DNAH5: variants seen among roughly 807,000 people sequenced by gnomAD.
The protein encoded by DNAH5 is axonemal beta dynein heavy chain 5.
In DNAH5, 372 loss-of-function variants were observed where a neutral mutation model predicts 518.2. The ratio of observed to expected loss-of-function variants is 0.72; its 90% confidence interval spans 0.66 to 0.78. DNAH5 has a LOEUF of 0.78. Ranked by LOEUF, DNAH5 falls within the 30% of genes least tolerant of loss-of-function variation. The pLI, the probability that DNAH5 is intolerant of heterozygous loss-of-function variation, is 0.00. For synonymous variants in DNAH5, 2,039 were observed against 2,025.9 expected (o/e 1.01, Z -0.17); for missense variants, 5,523 against 5,687.0 (o/e 0.97, Z 0.93).
At chr5:13,791,660 C>T (rs145242427) in intron 50 of DNAH5, among the ~76,000 whole-genome samples, 2,056 of 152,138 alleles carry the variant, frequency 0.014, 40 homozygotes, top group African/African-American at 0.047. Flanking sequence ...AAATCCATAG[C>T]GATTGTTTCC....
At chr5:13,793,817 C>T (rs553417063) in intron 48 of DNAH5, 89 bp from the exon 49 acceptor site, 2 of 1,561,860 alleles carry the variant, frequency 1.3e-6, no homozygotes, top group Admixed American at 1.8e-5. Context: ...AAGAACTTTA[C>T]TGGAATTCAG....
intron 65 of DNAH5, among the ~76,000 whole-genome samples, chr5:13,741,229 A>G (rs1426758999): frequency 6.6e-6 from 1 of 152,218 alleles, no homozygotes; most frequent in African/African-American, 2.4e-5. Flanking sequence ...TGTTTCAGCC[A>G]GTTAATCACC....
Position 13,853,467 on chromosome 5 carries a change from C to T in DNAH5, c.4951-2652G>A, listed in dbSNP as rs200040107. 7.2e-5 allele frequency among the ~76,000 whole-genome samples: 11 copies of T among 152,202 alleles called. 1 individual carries two copies. In the East Asian group the frequency reaches 2.1e-3, roughly 29 times the overall value. ...CAAAAACCAGAATGCCTCTTCTCCT[C>T]CAAAGGATAACAACTCCTCGCCAGC... is the stretch of plus-strand genomic sequence containing the variant. On this transcript the variant is annotated intron_variant, in intron 30 of 78. Coordinates refer to ENST00000265104, the MANE Select transcript of DNAH5 (RefSeq NM_001369.3).
chr5:13,847,133 C>T (rs116267411), intron 31 of DNAH5, among the ~76,000 whole-genome samples: 2,842 of 152,184 alleles, frequency 0.019, 36 homozygotes, highest in Non-Finnish European at 0.03. Flanking sequence ...GTCTGATTAC[C>T]GCAACTCCGA....
Position 13,823,368 on chromosome 5 carries a change from A to C in DNAH5, c.6582T>G (p.Ile2194Met), listed in dbSNP as rs1341522954. Residue 2194 changes from isoleucine to methionine, a missense_variant and splice_region_variant, in exon 40 of 79, where the codon ATT becomes ATG. By Grantham distance (10) the Ile-to-Met change is conservative. Around this residue, in one of 3 missense-constraint regions of DNAH5, gnomAD observed 5,121 missense variants for 5,223.3 expected, o/e 0.98. Transcript: ENST00000265104. Reference protein sequence around the residue: ...VLRDMNLSKLIDEDEPLFLSL... With the variant: ...VLRDMNLSKLMDEDEPLFLSL... Reference sequence around the variant, plus strand: ...TCAAAAACAAGGGTTCATCCTCATCAATCTAAAAAAAGAAAATGGGAAATC... The same window carrying C: ...TCAAAAACAAGGGTTCATCCTCATCCATCTAAAAAAAGAAAATGGGAAATC... 2 of 1,603,544 alleles carry C rather than the reference A, an allele frequency of 1.2e-6. No individual in the cohort carries two copies. Among genetic ancestry groups the C allele is most frequent in the African/African-American group, 1.3e-5 (1 of 74,732 alleles).
chr5:13,772,577 G>A (rs1753490053), intron 55 of DNAH5, among the ~76,000 whole-genome samples: 1 of 152,086 alleles, frequency 6.6e-6, no homozygotes, highest in African/African-American at 2.4e-5. Context: ...GCCAGTTTTG[G>A]GGCTACCTCC....
rs919108956 is a variant in DNAH5 at position 13,862,667 on chromosome 5, T to A, written c.4677A>T (p.Thr1559=). 22 of 1,613,872 alleles carry A rather than the reference T, an allele frequency of 1.4e-5. No individual in the cohort carries two copies. Among genetic ancestry groups the A allele is most frequent in the African/African-American group, 4.0e-5 (3 of 74,910 alleles). ...KQVINEWDNK[T]FTFGSFKTRG... is the part of the protein sequence containing the mutation. ...GGGTTTTAAAGCTGCCGAAGGTGAA[T>A]GTTTTATTGTCCCATTCATTAATCA... is the stretch of plus-strand genomic sequence containing the variant. The change falls in exon 29 of 79, where the codon ACA becomes ACT. Residue 1559 remains threonine, a synonymous_variant. Coordinates refer to ENST00000265104, the MANE Select transcript of DNAH5 (RefSeq NM_001369.3).
intron 1 of DNAH5, among the ~76,000 whole-genome samples, chr5:13,986,666 C>T (rs1167488712): frequency 6.6e-6 from 1 of 152,168 alleles, no homozygotes; most frequent in East Asian, 1.9e-4. Flanking sequence ...TTCCTGAGAC[C>T]TGGCATCATC....
chr5:13,711,639 C>T (rs969513939), intron 75 of DNAH5, among the ~76,000 whole-genome samples: 1 of 152,192 alleles, frequency 6.6e-6, no homozygotes, highest in Non-Finnish European at 1.5e-5. Context: ...CTCCAGAAAG[C>T]TCTTGGAACT....
Position 13,901,229 on chromosome 5 carries a change from A to G in DNAH5, c.2052+23T>C, listed in dbSNP as rs199635584. 139 of 1,608,492 alleles carry G rather than the reference A, an allele frequency of 8.6e-5. No individual in the cohort carries two copies. In the African/African-American group the frequency reaches 1.6e-3, roughly 19 times the overall value. On this transcript the variant is annotated intron_variant, in intron 14 of 78. Coordinates refer to ENST00000265104, the MANE Select transcript of DNAH5 (RefSeq NM_001369.3). ...GGTTCCCATGATTCCAACAATGGGA[A>G]GAGTATAAATTTAGGGACTCACTTG...
At chr5:13,849,733 G>A (rs568769366) in intron 31 of DNAH5, among the ~76,000 whole-genome samples, 4 of 152,090 alleles carry the variant, frequency 2.6e-5, no homozygotes, top group Admixed American at 6.5e-5. Flanking sequence ...TTGGTTAGCC[G>A]AGAATAAATA....
upstream of DNAH5, among the ~76,000 whole-genome samples, chr5:13,948,780 C>A (rs339442): frequency 0.96 from 146,270 of 152,256 alleles, 70,339 homozygotes; most frequent in East Asian, 0.99. Context: ...AGCTGCACGC[C>A]GGTAAGGATG....
At chr5:13,830,571 A>C (rs1187331241) in intron 36 of DNAH5, 26 bp downstream of exon 36, 3 of 1,612,716 alleles carry the variant, frequency 1.9e-6, no homozygotes, top group Non-Finnish European at 2.5e-6. Context: ...GCAATTTCTC[A>C]CCAGATTAAA....
chr5:13,974,747 G>A (rs374045973), intron 1 of DNAH5, among the ~76,000 whole-genome samples: 24 of 152,144 alleles, frequency 1.6e-4, no homozygotes, highest in South Asian at 1.5e-3. Flanking sequence ...TCCATGAGTC[G>A]GCAGCCACAG....
chr5:13,713,458 TATATATATAC>T lies in DNAH5; in HGVS notation c.13125+937_13125+946del, dbSNP rs1169810107. ...ACATATATATATATATATATATATA[TATATATATAC>T]ACACACCGATATATATATATATATG... On this transcript the variant is annotated intron_variant, in intron 75 of 78. Transcript: ENST00000265104. Among the ~76,000 whole-genome samples, 824 of 132,152 alleles carry T rather than the reference TATATATATAC, an allele frequency of 6.2e-3. 21 individuals are homozygous for T. The highest frequency in any genetic ancestry group is 0.025 in the African/African-American group (792 of 32,266). 86.7% of individuals were successfully genotyped at this position (132,152 alleles called of 152,430 possible).
intron 34 of DNAH5, among the ~76,000 whole-genome samples, chr5:13,840,494 T>A (rs28637284): frequency 0.025 from 3,837 of 152,276 alleles, 163 homozygotes; most frequent in African/African-American, 0.088. Context: ...TTGTTAAGAA[T>A]GTGATTTTTC....
At chr5:13,814,461 C>T (rs1761165188) in intron 43 of DNAH5, 144 bp downstream of exon 43, 1 of 794,036 alleles carries the variant, frequency 1.3e-6, no homozygotes, top group African/African-American at 1.7e-5. Context: ...TTTGAATGTC[C>T]CAGTGCATTC....
rs1211787821 is a variant in DNAH5 at position 13,807,644 on chromosome 5, G to A, written c.7834C>T (p.His2612Tyr). Residue 2612 changes from histidine to tyrosine, a missense_variant, in exon 47 of 79, where the codon CAC becomes TAC. By Grantham distance (83) the His-to-Tyr change is moderately conservative (BLOSUM62 2). Around this residue, in one of 3 missense-constraint regions of DNAH5, gnomAD observed 5,121 missense variants for 5,223.3 expected, o/e 0.98. Coordinates refer to ENST00000265104, the MANE Select transcript of DNAH5 (RefSeq NM_001369.3). Reference sequence around the variant, plus strand: ...GAAAAATTCAGACTCTTGATCATGTGACATTCAGGATCATATTTTGACATA... The same window carrying A: ...GAAAAATTCAGACTCTTGATCATGTAACATTCAGGATCATATTTTGACATA... ...GFMSKYDPEC[H>Y]MIKSLNFSSA... is the part of the protein sequence containing the mutation. 4.3e-6 allele frequency: 7 copies of A among 1,612,228 alleles called. No individual in the cohort carries two copies. Among genetic ancestry groups the A allele is most frequent in the Non-Finnish European group, 5.9e-6 (7 of 1,178,636 alleles).
rs948559265 is a variant in DNAH5 at position 13,893,339 on chromosome 5, C to T, written c.2431+1311G>A. Among the ~76,000 whole-genome samples, 6 of 152,072 alleles carry T rather than the reference C, an allele frequency of 3.9e-5. No homozygotes were observed. In the East Asian group the frequency reaches 1.2e-3, roughly 29 times the overall value. ...AGGTATCCAGAAATAAGGTAATGGG[C>T]TTGAGGGGTAGGAACAGGGTTACAG... On this transcript the variant is annotated intron_variant, in intron 16 of 78. Transcript: ENST00000265104.
Sources: allele counts gnomAD v4.1 joint callset (sites outside exome capture counted in the v4.1 genomes callset), GRCh38; gene constraint gnomAD v4.1.1; regional missense constraint gnomAD v4.1.1; transcripts MANE v1.5; gene names NCBI Gene and HGNC (gene_info 2026-07-23, HGNC 2026-07-21).